Variants in HAPLN1 observed in about 807,000 individuals in gnomAD.
HAPLN1 encodes the protein Cartilage link protein.
In HAPLN1, 13 loss-of-function variants were observed where a neutral mutation model predicts 36.5. The observed-to-expected ratio is 0.36, with a 90% CI of 0.23 to 0.57. HAPLN1 has a LOEUF of 0.57. Among genes scored for constraint, HAPLN1 ranks in the 20% least tolerant of loss-of-function variants. The probability of loss-of-function intolerance (pLI) is 0.83; values close to 1 mark genes in which losing one functional copy is unlikely to be tolerated. For missense variants in HAPLN1, 407 were observed against 439.7 expected (o/e 0.93, Z 0.66); for synonymous variants, 202 against 169.8 (o/e 1.19, Z -1.48).
Position 83,644,664 on chromosome 5 carries a change from A to G in HAPLN1, c.474T>C (p.Gly158=). The change falls in exon 4 of 5, where the codon GGT becomes GGC. Residue 158 remains glycine, a splice_region_variant and synonymous_variant. Coordinates refer to ENST00000274341, the MANE Select transcript of HAPLN1 (RefSeq NM_001884.4). The part of the protein sequence containing the change: ...DTVVVALDLQ[G]VVFPYFPRLG... ...GTCGTGGAAAGTAAGGGAATACCAC[A>G]CCTGTCCAAAGGAGAAAGCAAGGAG... The G allele has an allele frequency of 6.9e-7, 1 of 1,447,820 alleles. No individual in the cohort carries two copies. Among genetic ancestry groups the G allele is most frequent in the Non-Finnish European group, 9.1e-7 (1 of 1,095,522 alleles). 89.7% of individuals were successfully genotyped at this position (1,447,820 alleles called of 1,614,324 possible). A position where few individuals can be genotyped will look rare whatever the true frequency, so the allele number is the denominator to read the frequency against.
At chr5:83,661,900 G>A (rs1439419350) in intron 2 of HAPLN1, among the ~76,000 whole-genome samples, 4 of 152,212 alleles carry the variant, frequency 2.6e-5, no homozygotes, top group Admixed American at 6.5e-5. Context: ...TGATGTTGCT[G>A]TGTGTTCATG....
chr5:83,694,647 G>C (rs1213683539), intron 1 of HAPLN1, among the ~76,000 whole-genome samples: 1 of 151,846 alleles, frequency 6.6e-6, no homozygotes, highest in Non-Finnish European at 1.5e-5. Context: ...TAAATGAAAT[G>C]GTGAAATTCT....
intron 1 of HAPLN1, 25 bp from the exon 2 acceptor site, chr5:83,673,574 G>T (rs755127239): frequency 7.3e-7 from 1 of 1,366,162 alleles, no homozygotes; most frequent in Non-Finnish European, 1.0e-6. Flanking sequence ...CATACAAAGA[G>T]GCTTGTGAGA....
chr5:83,653,971 C>T (rs1212697610), intron 2 of HAPLN1, among the ~76,000 whole-genome samples: 1 of 152,240 alleles, frequency 6.6e-6, no homozygotes, highest in East Asian at 1.9e-4. Flanking sequence ...CTGCCCTTCA[C>T]ACAACTCTGC....
Position 83,714,905 on chromosome 5 carries a change from T to A in HAPLN1, c.-27+5884A>T, listed in dbSNP as rs149996142. Among the ~76,000 whole-genome samples the A allele has an allele frequency of 1.2e-4, 19 of 152,288 alleles. 1 individual carries two copies. In the East Asian group the frequency reaches 3.7e-3, roughly 29 times the overall value. Reference sequence around the variant, plus strand: ...AGTGAACAGGAATGTTAAAACAGGATGGATGTTGGATGCCCCTTGGGGCAA... The same window carrying A: ...AGTGAACAGGAATGTTAAAACAGGAAGGATGTTGGATGCCCCTTGGGGCAA... On this transcript the variant is annotated intron_variant, in intron 1 of 4. Transcript: ENST00000274341.
chr5:83,673,574 G>A (rs755127239), intron 1 of HAPLN1, 25 bp from the exon 2 acceptor site: 7 of 1,366,044 alleles, frequency 5.1e-6, no homozygotes, highest in Non-Finnish European at 7.3e-6. Context: ...CATACAAAGA[G>A]GCTTGTGAGA....
chr5:83,670,050 A>G (rs1561310214), intron 2 of HAPLN1, among the ~76,000 whole-genome samples: 2 of 152,170 alleles, frequency 1.3e-5, no homozygotes, highest in African/African-American at 2.4e-5. Context: ...TGCTTTGCAT[A>G]TTGGTTAATA....
intron 3 of HAPLN1, among the ~76,000 whole-genome samples, chr5:83,645,878 C>T (rs527412759): frequency 2.0e-5 from 3 of 151,582 alleles, no homozygotes; most frequent in Non-Finnish European, 4.4e-5. Context: ...TTATTATAAA[C>T]AGGAAAAAAA....
intron 2 of HAPLN1, among the ~76,000 whole-genome samples, chr5:83,668,089 G>A (rs1750604533): frequency 6.6e-6 from 1 of 152,184 alleles, no homozygotes; most frequent in Admixed American, 6.5e-5. Context: ...GATTTATTTA[G>A]CAAACATGTA....
chr5:83,679,441 C>T (rs1750943472), intron 1 of HAPLN1, among the ~76,000 whole-genome samples: 1 of 152,100 alleles, frequency 6.6e-6, no homozygotes, highest in Admixed American at 6.6e-5. Context: ...TCCTGTTTTT[C>T]CCCTAACTTT....
At chr5:83,657,223 G>A (rs1045023170) in intron 2 of HAPLN1, among the ~76,000 whole-genome samples, 3 of 151,762 alleles carry the variant, frequency 2.0e-5, no homozygotes, top group African/African-American at 7.3e-5. Context: ...AGCCTCCCGA[G>A]TAGCTGGGTT....
At chr5:83,664,328 C>G (rs1050609568) in intron 2 of HAPLN1, among the ~76,000 whole-genome samples, 4 of 138,190 alleles carry the variant, frequency 2.9e-5, no homozygotes, top group African/African-American at 1.1e-4. Context: ...GGCAAACGAA[C>G]GCCATTGGGC....
At chr5:83,705,345 G>A (rs549129573) in intron 1 of HAPLN1, among the ~76,000 whole-genome samples, 6 of 128,572 alleles carry the variant, frequency 4.7e-5, no homozygotes, top group Admixed American at 9.9e-5. Context: ...AGCCGAGATC[G>A]CACCATTACA....
intron 3 of HAPLN1, among the ~76,000 whole-genome samples, chr5:83,645,763 T>C (rs193085622): frequency 1.3e-5 from 2 of 152,258 alleles, no homozygotes; most frequent in Non-Finnish European, 2.9e-5. Context: ...TGCCCTTAAA[T>C]AGCAGGACTA....
chr5:83,704,731 A>G (rs1751588555), intron 1 of HAPLN1, among the ~76,000 whole-genome samples: 1 of 152,218 alleles, frequency 6.6e-6, no homozygotes, highest in East Asian at 1.9e-4. Context: ...TGCACCCAAC[A>G]TAGGAGCACC....
At chr5:83,704,635 C>A (rs1206915752) in intron 1 of HAPLN1, among the ~76,000 whole-genome samples, 2 of 152,116 alleles carry the variant, frequency 1.3e-5, no homozygotes, top group Non-Finnish European at 2.9e-5. Flanking sequence ...TTTAAACTAA[C>A]AAAGATCAGA....
intron 1 of HAPLN1, among the ~76,000 whole-genome samples, chr5:83,718,747 C>T (rs967556383): frequency 1.3e-5 from 2 of 152,098 alleles, no homozygotes; most frequent in East Asian, 3.9e-4. Flanking sequence ...CCTGGTATTT[C>T]GTCAGAATTT....
rs537692835 is a variant in HAPLN1 at position 83,641,267 on chromosome 5, G to A, written c.*229C>T. On this transcript the variant is annotated 3_prime_UTR_variant, in exon 5 of 5. Transcript: ENST00000274341. ...TACAGCTTAAACAGTTTGGCTCTAA[G>A]TCTCCTTACATAGAGCTTCCCTTAA... 6.1e-5 allele frequency: 14 copies of A among 228,036 alleles called. No individual in the cohort carries two copies. The South Asian group carries it at 2.0e-3, about 33-fold the overall frequency. The allele number at this position is 228,036 out of a possible 1,614,324, so 14.1% of individuals were successfully genotyped here.
At chr5:83,689,910 A>G (rs551311657) in intron 1 of HAPLN1, among the ~76,000 whole-genome samples, 1 of 152,228 alleles carries the variant, frequency 6.6e-6, no homozygotes, top group African/African-American at 2.4e-5. Flanking sequence ...AGGGTCAGAG[A>G]TAGGAAATTT....
Sources: gnomAD v4.1 joint callset for allele counts (sites outside exome capture counted in the v4.1 genomes callset) on GRCh38, gnomAD v4.1.1 for gene constraint, MANE v1.5 for transcripts, NCBI Gene and HGNC (gene_info 2026-07-23, HGNC 2026-07-21) for gene names.